Variants in DLG2 observed in about 807,000 individuals in gnomAD.
The protein encoded by DLG2 is discs large MAGUK scaffold protein 2.
In DLG2, 45 loss-of-function variants were observed where a neutral mutation model predicts 132.5. The ratio of observed to expected loss-of-function variants is 0.34; its 90% CI spans 0.27 to 0.44. DLG2 has a LOEUF of 0.44. Ranked by LOEUF, DLG2 falls within the 20% of genes least tolerant of loss-of-function variation. The probability of loss-of-function intolerance (pLI) is 1.00; values close to 1 mark genes in which losing one functional copy is unlikely to be tolerated. For synonymous variants in DLG2, 424 were observed against 419.6 expected (o/e 1.01, Z -0.13); for missense variants, 1,045 against 1,196.9 (o/e 0.87, Z 1.87).
chr11:83,696,456 CCAGTCAGT>C (rs555565775), intron 18 of DLG2, among the ~76,000 whole-genome samples: 1 of 152,072 alleles, frequency 6.6e-6, no homozygotes, highest in African/African-American at 2.4e-5. Flanking sequence ...GGTAAGCCAG[CCAGTCAGT>C]CAGTCAGTAA....
chr11:84,236,960 A>C, intron 8 of DLG2, among the ~76,000 whole-genome samples: 1 of 141,580 alleles, frequency 7.1e-6, no homozygotes. Flanking sequence ...ATGGAGTCTC[A>C]CTCTGTCACT....
intron 6 of DLG2, among the ~76,000 whole-genome samples, chr11:84,709,089 T>G (rs472587): frequency 0.85 from 129,492 of 151,870 alleles, 56,031 homozygotes; most frequent in Middle Eastern, 0.93. Flanking sequence ...GCATTCTCTA[T>G]CAGACTCTGA....
Position 84,930,602 on chromosome 11 carries a change from A to G in DLG2, c.357+181059T>C, listed in dbSNP as rs75869510. ...GTTGCCTTCTACTAAGAAGAAAACAAAAACAAAACAAACAGAGAAAACAAA... is the reference window on the plus strand; with the variant it reads ...GTTGCCTTCTACTAAGAAGAAAACAGAAACAAAACAAACAGAGAAAACAAA... On this transcript the variant is annotated intron_variant, in intron 6 of 27. Coordinates refer to ENST00000376104, the MANE Select transcript of DLG2 (RefSeq NM_001142699.3). 8.7e-3 allele frequency among the ~76,000 whole-genome samples: 1,323 copies of G among 151,920 alleles called. 13 individuals carry two copies. The highest frequency in any genetic ancestry group is 0.014 in the Non-Finnish European group (966 of 67,924).
intron 6 of DLG2, among the ~76,000 whole-genome samples, chr11:84,944,099 G>A (rs905227288): frequency 5.3e-5 from 8 of 152,062 alleles, no homozygotes; most frequent in Admixed American, 5.2e-4. Context: ...GCTGCCAGAT[G>A]TATTGAAGCT....
intron 6 of DLG2, among the ~76,000 whole-genome samples, chr11:84,581,641 T>C (rs1462977206): frequency 6.6e-6 from 1 of 152,038 alleles, no homozygotes; most frequent in Non-Finnish European, 1.5e-5. Context: ...TAAAAGTTAA[T>C]TTAACACCTG....
At position 84,100,638 on chromosome 11, in the gene DLG2, A is replaced by G. The variant is rs2092440762; in HGVS notation, c.625-1591T>C. 2.6e-5 allele frequency among the ~76,000 whole-genome samples: 4 copies of G among 152,156 alleles called. No individual in the cohort carries two copies. The South Asian group carries it at 8.3e-4, about 32-fold the overall frequency. On this transcript the variant is annotated intron_variant, in intron 9 of 27. Transcript: ENST00000376104. ...CACTGGATATTAAATTTCTCTACAT[A>G]TTCTTACAAAAAATATAGCTTACTA...
intron 6 of DLG2, among the ~76,000 whole-genome samples, chr11:84,554,100 G>A (rs1469867271): frequency 1.3e-5 from 2 of 152,138 alleles, no homozygotes; most frequent in Admixed American, 6.5e-5. Flanking sequence ...TCTAGTCTCT[G>A]CTTGGGCATA....
At chr11:85,463,784 T>A (rs1335776074) in intron 3 of DLG2, among the ~76,000 whole-genome samples, 1 of 151,728 alleles carries the variant, frequency 6.6e-6, no homozygotes. Context: ...ATTTAAAAAT[T>A]TTAAAAAACC....
chr11:83,863,807 A>G (rs928209136), intron 16 of DLG2, among the ~76,000 whole-genome samples: 1 of 152,146 alleles, frequency 6.6e-6, no homozygotes, highest in African/African-American at 2.4e-5. Flanking sequence ...ATATGCCAAA[A>G]GGCCATCTTC....
At chr11:84,525,332 T>C (rs1315186123) in intron 7 of DLG2, among the ~76,000 whole-genome samples, 1 of 152,194 alleles carries the variant, frequency 6.6e-6, no homozygotes, top group Non-Finnish European at 1.5e-5. Flanking sequence ...TCCCCTGCCA[T>C]TCTAAAATCT....
chr11:85,599,584 G>A (rs2080011069), intron 2 of DLG2, among the ~76,000 whole-genome samples: 1 of 152,090 alleles, frequency 6.6e-6, no homozygotes, highest in Non-Finnish European at 1.5e-5. Flanking sequence ...TTCCTCACAG[G>A]TGTTATGATT....
chr11:85,521,982 T>C (rs2074352430), intron 3 of DLG2, among the ~76,000 whole-genome samples: 1 of 152,030 alleles, frequency 6.6e-6, no homozygotes. Context: ...GTGCAGAAAT[T>C]TGCATAAGTA....
chr11:84,948,068 T>C (rs1566480426), intron 6 of DLG2, among the ~76,000 whole-genome samples: 1 of 152,216 alleles, frequency 6.6e-6, no homozygotes, highest in Admixed American at 6.5e-5. Context: ...GTTTTTCTGA[T>C]GGAATTTCTA....
At chr11:83,548,641 C>A (rs1369595034) in intron 19 of DLG2, among the ~76,000 whole-genome samples, 2 of 152,132 alleles carry the variant, frequency 1.3e-5, no homozygotes, top group Admixed American at 1.3e-4. Flanking sequence ...AATTCCATCT[C>A]ATTGAATCCC....
intron 7 of DLG2, among the ~76,000 whole-genome samples, chr11:84,408,261 T>C (rs1198495286): frequency 6.6e-6 from 1 of 152,008 alleles, no homozygotes; most frequent in East Asian, 1.9e-4. Context: ...TAAAAAATAA[T>C]GTAATCTGTG....
chr11:84,261,358 G>T (rs2097546051), intron 7 of DLG2, among the ~76,000 whole-genome samples: 1 of 151,990 alleles, frequency 6.6e-6, no homozygotes, highest in Admixed American at 6.6e-5. Context: ...TAAATCAGTT[G>T]CAGTCCTCAA....
At chr11:85,266,721 C>G (rs1391437974) in intron 4 of DLG2, among the ~76,000 whole-genome samples, 1 of 152,166 alleles carries the variant, frequency 6.6e-6, no homozygotes, top group East Asian at 1.9e-4. Context: ...TCTGGGCAAT[C>G]AATGAAAATG....
At chr11:85,023,553 G>A (rs2060256230) in intron 6 of DLG2, among the ~76,000 whole-genome samples, 1 of 151,930 alleles carries the variant, frequency 6.6e-6, no homozygotes, top group Non-Finnish European at 1.5e-5. Flanking sequence ...TAGAGCACAA[G>A]ATAATAGAGA....
intron 7 of DLG2, among the ~76,000 whole-genome samples, chr11:84,263,661 AT>A (rs768605083): frequency 3.3e-5 from 5 of 152,160 alleles, no homozygotes; most frequent in Admixed American, 6.5e-5. Context: ...CAGAAAAAAA[AT>A]CCCTCTGCCT....
Sources: allele counts gnomAD v4.1 joint callset (sites outside exome capture counted in the v4.1 genomes callset), GRCh38; gene constraint gnomAD v4.1.1; transcripts MANE v1.5; gene names NCBI Gene and HGNC (gene_info 2026-07-23, HGNC 2026-07-21).